Variants in MEGF8 observed in about 807,000 individuals in gnomAD.
MEGF8 encodes the protein multiple epidermal growth factor-like domains protein 8.
Under a neutral mutation model 302.9 loss-of-function variants are expected in MEGF8, and 156 were observed. The ratio of observed to expected loss-of-function variants is 0.52; its 90% CI spans 0.45 to 0.59. The LOEUF is 0.59. MEGF8 is among the 20% of genes least tolerant of loss of function. The probability of loss-of-function intolerance (pLI) is 0.00; values close to 1 mark genes in which losing one functional copy is unlikely to be tolerated. For missense variants in MEGF8, 3,345 were observed against 3,964.5 expected (o/e 0.84, Z 4.20); for synonymous variants, 1,621 against 1,660.5 (o/e 0.98, Z 0.58).
chr19:42,348,494 AG>A, intron 13 of MEGF8, 22 bp downstream of exon 13: 2 of 1,497,592 alleles, frequency 1.3e-6, no homozygotes, highest in Non-Finnish European at 1.8e-6. Context: ...TGGGACATTC[AG>A]GGGGTTGTTT....
At chr19:42,343,729 G>C in intron 9 of MEGF8, 98 bp downstream of exon 9, 1 of 1,428,514 alleles carries the variant, frequency 7.0e-7, no homozygotes, top group Non-Finnish European at 9.3e-7. Flanking sequence ...CTGGGAGAAG[G>C]AGTGGGGATC....
rs756847499 is a variant in MEGF8 at position 42,376,108 on chromosome 19, G to T, written c.7871G>T (p.Gly2624Val). The T allele has an allele frequency of 6.8e-6, 11 of 1,606,808 alleles. No individual in the cohort carries two copies. Among genetic ancestry groups the T allele is most frequent in the African/African-American group, 1.3e-5 (1 of 74,950 alleles). Residue 2624 changes from glycine (G) to valine (V), a missense_variant, in exon 42 of 42, where the codon GGG becomes GTG. By Grantham distance (109) the Gly-to-Val change is moderately radical (BLOSUM62 -3). Coordinates refer to ENST00000251268, the MANE Select transcript of MEGF8 (RefSeq NM_001271938.2). This position sits in a 1 kb window ranked among gnomAD's most constrained non-coding sequence, Gnocchi z 8.2. Reference sequence around the variant, plus strand: ...CTGCTGGGCGTGGGAGACCCAAGTGGGCCCGGCGCCAACGGCTCAGCCGAC... The same window carrying T: ...CTGCTGGGCGTGGGAGACCCAAGTGTGCCCGGCGCCAACGGCTCAGCCGAC... ...LLLLGVGDPS[G>V]PGANGSADSQ...
chr19:42,352,394 C>T lies in MEGF8; in HGVS notation c.3288C>T (p.Leu1096=). ...HPRATCLNTP[L]SYECHCQRGY... is the part of the protein sequence containing the mutation. The stretch of plus-strand genomic sequence containing the variant: ...GGGCGACCTGCCTGAACACGCCCCT[C>T]AGCTACGAGTGTCACTGCCAGCGGG... The change falls in exon 19 of 42, where the codon CTC becomes CTT. Residue 1096 remains leucine, a synonymous_variant. Transcript: ENST00000251268. The surrounding 1 kb of genome is among the most constrained non-coding windows in gnomAD (Gnocchi z 4.4). 6.3e-7 allele frequency: 1 copy of T among 1,596,338 alleles called. No homozygotes were observed. The highest frequency in any genetic ancestry group is 8.5e-7 in the Non-Finnish European group (1 of 1,172,070).
chr19:42,326,386 C>A lies in MEGF8; in HGVS notation c.143C>A (p.Ala48Glu). 1 of 1,581,050 alleles carries A rather than the reference C, an allele frequency of 6.3e-7. No individual in the cohort carries two copies. Among genetic ancestry groups the A allele is most frequent in the Non-Finnish European group, 8.6e-7 (1 of 1,166,728 alleles). Reference sequence around the variant, plus strand: ...GCGCCAGGCTTCGTGACGGATGGTGCGGGCAACTACAGCGTCAATGGCAAC... The same window carrying A: ...GCGCCAGGCTTCGTGACGGATGGTGAGGGCAACTACAGCGTCAATGGCAAC... Reference protein sequence around the residue: ...REAPGFVTDGAGNYSVNGNCE... With the variant: ...REAPGFVTDGEGNYSVNGNCE... The change falls in exon 1 of 42, where the codon GCG becomes GAG. Residue 48 changes from alanine to glutamate, a missense_variant. By Grantham distance (107) the Ala-to-Glu change is moderately radical (BLOSUM62 -1). Coordinates refer to ENST00000251268, the MANE Select transcript of MEGF8 (RefSeq NM_001271938.2).
chr19:42,344,116 C>T lies in MEGF8; in HGVS notation c.1788+43C>T. Reference sequence around the variant, plus strand: ...ACCCTCTGTTCCCTAGCATAGAGACCTGCCCTCAGTGTCTCCCTCTGCCTA... The same window carrying T: ...ACCCTCTGTTCCCTAGCATAGAGACTTGCCCTCAGTGTCTCCCTCTGCCTA... On this transcript the variant is annotated intron_variant, in intron 10 of 41. Coordinates refer to ENST00000251268, the MANE Select transcript of MEGF8 (RefSeq NM_001271938.2). The surrounding 1 kb of genome is among the most constrained non-coding windows in gnomAD (Gnocchi z 4.5). The T allele has an allele frequency of 6.2e-7, 1 of 1,601,752 alleles. No homozygotes were observed. Among genetic ancestry groups the T allele is most frequent in the Non-Finnish European group, 8.5e-7 (1 of 1,175,168 alleles).
rs778089717 is a variant in MEGF8 at position 42,357,616 on chromosome 19, C to A, written c.5011+32C>A. ...CTGGGGACCGGGAGGGGACAGCCCC[C>A]GTGGACCTCCCGGGCATCTGGGCTT... On this transcript the variant is annotated intron_variant, in intron 28 of 41. Transcript: ENST00000251268. This position sits in a 1 kb window ranked among gnomAD's most constrained non-coding sequence, Gnocchi z 5.2. The A allele has an allele frequency of 1.7e-5, 27 of 1,548,924 alleles. No individual in the cohort carries two copies. In the East Asian group the frequency reaches 4.8e-4, roughly 28 times the overall value.
Position 42,344,098 on chromosome 19 carries a change from G to C in MEGF8, c.1788+25G>C, listed in dbSNP as rs1213588528. On this transcript the variant is annotated intron_variant, in intron 10 of 41. Coordinates refer to ENST00000251268, the MANE Select transcript of MEGF8 (RefSeq NM_001271938.2). This position sits in a 1 kb window ranked among gnomAD's most constrained non-coding sequence, Gnocchi z 4.5. ...TGTGAGTGACAGCCCTAGACCCTCT[G>C]TTCCCTAGCATAGAGACCTGCCCTC... 1.8e-5 allele frequency: 29 copies of C among 1,610,600 alleles called. No homozygotes were observed. The East Asian group carries it at 6.5e-4, about 36-fold the overall frequency.
chr19:42,370,450 C>T (rs1318029429), intron 39 of MEGF8, 91 bp downstream of exon 39: 3 of 1,193,822 alleles, frequency 2.5e-6, no homozygotes, highest in Middle Eastern at 2.7e-4. Flanking sequence ...AGACCTGGAC[C>T]CTTGGGTTGA....
In MEGF8 at chr19:42,354,719, T is replaced by A; in HGVS notation, c.4143T>A (p.Ser1381=). 6.2e-7 allele frequency: 1 copy of A among 1,601,128 alleles called. No individual in the cohort carries two copies. Among genetic ancestry groups the A allele is most frequent in the Non-Finnish European group, 8.5e-7 (1 of 1,175,810 alleles). Residue 1381 remains serine, a splice_region_variant and synonymous_variant, in exon 23 of 42, where the codon TCT becomes TCA. Transcript: ENST00000251268. This position sits in a 1 kb window ranked among gnomAD's most constrained non-coding sequence, Gnocchi z 4.3. ...GGCCCCTCACTGTTCAGGCCCTGTC[T>A]GGTACGGGGGCTAGGGGAAGTGGGA... is the stretch of plus-strand genomic sequence containing the variant. The part of the protein sequence containing the change: ...RDRPLTVQAL[S]GLLVLHWEAN...
chr19:42,354,522 C>T lies in MEGF8; in HGVS notation c.4012-66C>T. ...GCCCTCCCCTCTTGAACCCCTCCTC[C>T]TCCCAGACCCCAGGTGTCGTTCTCA... On this transcript the variant is annotated intron_variant, in intron 22 of 41. Transcript: ENST00000251268. The surrounding 1 kb of genome is among the most constrained non-coding windows in gnomAD (Gnocchi z 4.3). 1.9e-6 allele frequency: 3 copies of T among 1,545,668 alleles called. No homozygotes were observed. The highest frequency in any genetic ancestry group is 2.4e-5 in the South Asian group (2 of 83,672).
intron 1 of MEGF8, among the ~76,000 whole-genome samples, chr19:42,332,837 G>T (rs905750783): frequency 1.3e-5 from 2 of 152,184 alleles, no homozygotes; most frequent in Admixed American, 6.5e-5. Context: ...GAGAGGCAGG[G>T]AATTAACTTT....
At chr19:42,362,237 T>A in intron 33 of MEGF8, 24 bp downstream of exon 33, 1 of 1,609,878 alleles carries the variant, frequency 6.2e-7, no homozygotes, top group Non-Finnish European at 8.5e-7. Context: ...AAGGCAGGGA[T>A]GAGAAGCAGC....
At chr19:42,342,025 G>A (rs2039222438) in intron 8 of MEGF8, among the ~76,000 whole-genome samples, 1 of 152,210 alleles carries the variant, frequency 6.6e-6, no homozygotes, top group African/African-American at 2.4e-5. Flanking sequence ...GCACTTAAGG[G>A]ATGGGAAGGA....
Position 42,360,778 on chromosome 19 carries a change from C to G in MEGF8, c.5492C>G (p.Ser1831Trp). ...TGAATACACCATCTTTCCTCAGGCT[C>G]GGCCTCTGTGGGGCCCCCAATGGAG... ...NAWLLPDLTRSASVGPPMEES... is the reference protein window; with the variant it reads ...NAWLLPDLTRWASVGPPMEES... The change falls in exon 32 of 42, where the codon TCG becomes TGG. Residue 1831 changes from serine (S) to tryptophan (W), a missense_variant. Transcript: ENST00000251268. 1.3e-6 allele frequency: 2 copies of G among 1,579,454 alleles called. No homozygotes were observed. Among genetic ancestry groups the G allele is most frequent in the Non-Finnish European group, 1.7e-6 (2 of 1,162,960 alleles).
At chr19:42,365,496 TG>T (rs2039591038) in intron 35 of MEGF8, among the ~76,000 whole-genome samples, 1 of 151,138 alleles carries the variant, frequency 6.6e-6, no homozygotes, top group African/African-American at 2.4e-5. Flanking sequence ...CTGGGTGGGG[TG>T]GCTCAGGCCT....
rs781100724 is a variant in MEGF8, at chr19:42,370,842, CCGGGGGGGGGGGGGGGGGGGG to C, written c.7136+12_7136+32del. On this transcript the variant is annotated intron_variant, in intron 40 of 41. Transcript: ENST00000251268. ...CGGGAAGTGCACCAAGTAAGAGGAACCGGGGGGGGGGGGGGGGGGGGGGGGGGGGGAGGCCGGGGATCCCAC... is the reference window on the plus strand; with the variant it reads ...CGGGAAGTGCACCAAGTAAGAGGAACGGGGGGGGGAGGCCGGGGATCCCAC... The C allele has an allele frequency of 8.4e-5, 10 of 119,572 alleles. No individual in the cohort carries two copies. In the South Asian group the frequency reaches 2.4e-3, roughly 28 times the overall value. 7.4% of individuals were successfully genotyped at this position (119,572 alleles called of 1,614,324 possible). A position where few individuals can be genotyped will look rare whatever the true frequency, so the allele number is the denominator to read the frequency against.
rs751532254 is a variant in MEGF8 at position 42,370,841 on chromosome 19, AC to A, written c.7136+12del. The A allele has an allele frequency of 4.5e-4, 24 of 53,676 alleles. No individual in the cohort carries two copies. Among genetic ancestry groups the A allele is most frequent in the Admixed American group, 7.2e-4 (2 of 2,774 alleles). The allele number at this position is 53,676 out of a possible 1,614,324, so 3.3% of individuals were successfully genotyped here. A position where few individuals can be genotyped will look rare whatever the true frequency, so the allele number is the denominator to read the frequency against. On this transcript the variant is annotated intron_variant, in intron 40 of 41. Transcript: ENST00000251268. Reference sequence around the variant, plus strand: ...ACGGGAAGTGCACCAAGTAAGAGGAACCGGGGGGGGGGGGGGGGGGGGGGGG... The same window carrying A: ...ACGGGAAGTGCACCAAGTAAGAGGAACGGGGGGGGGGGGGGGGGGGGGGGG...
intron 8 of MEGF8, among the ~76,000 whole-genome samples, chr19:42,340,950 G>A (rs757139935): frequency 6.6e-6 from 1 of 152,176 alleles, no homozygotes; most frequent in Non-Finnish European, 1.5e-5. Flanking sequence ...TTACAGGCAT[G>A]AGCCACCACG....
At chr19:42,343,869 C>A (rs978693211) in intron 9 of MEGF8, 85 bp from the exon 10 acceptor site, 2 of 1,518,316 alleles carry the variant, frequency 1.3e-6, no homozygotes, top group South Asian at 1.3e-5. Context: ...CTAAAGCAAG[C>A]GGGGACTTGG....
Sources: gnomAD v4.1 joint callset for allele counts (sites outside exome capture counted in the v4.1 genomes callset) on GRCh38, gnomAD v4.1.1 for gene constraint, Gnocchi (gnomAD v3.1) non-coding constraint, MANE v1.5 for transcripts, NCBI Gene and HGNC (gene_info 2026-07-23, HGNC 2026-07-21) for gene names.